ZCWPW2: variants seen among roughly 807,000 people sequenced by gnomAD.
The protein encoded by ZCWPW2 is zinc finger CW-type PWWP domain protein 2.
In ZCWPW2, 45 loss-of-function variants were observed where a neutral mutation model predicts 46.6. That is an observed-to-expected ratio of 0.96 (90% confidence interval 0.76 to 1.24). The LOEUF (loss-of-function observed/expected upper bound fraction) is 1.24, where lower values mean the gene tolerates loss of function less well. Ranked by LOEUF, ZCWPW2 falls within the 50% of genes most tolerant of loss-of-function variation. The pLI is 0.00. For synonymous variants in ZCWPW2, 152 were observed against 137.1 expected (o/e 1.11, Z -0.76); for missense variants, 429 against 403.9 (o/e 1.06, Z -0.53).
At chr3:28,465,605 T>A (rs998515618) in intron 4 of ZCWPW2, among the ~76,000 whole-genome samples, 8 of 152,184 alleles carry the variant, frequency 5.3e-5, no homozygotes, top group African/African-American at 1.9e-4. Context: ...TAGGTAGGAT[T>A]GCTACTATTA....
intron 4 of ZCWPW2, among the ~76,000 whole-genome samples, chr3:28,474,782 T>A (rs1377795467): frequency 6.6e-6 from 1 of 150,946 alleles, no homozygotes; most frequent in Non-Finnish European, 1.5e-5. Flanking sequence ...TTGAGAAGTC[T>A]CATGTCAGTA....
chr3:28,488,703 C>G (rs1006677977), intron 5 of ZCWPW2, among the ~76,000 whole-genome samples: 2 of 152,136 alleles, frequency 1.3e-5, no homozygotes, highest in African/African-American at 4.8e-5. Flanking sequence ...CTCTTTTGCA[C>G]TTTAAAAATA....
chr3:28,411,982 A>G (rs553435330), intron 2 of ZCWPW2, among the ~76,000 whole-genome samples: 1 of 152,156 alleles, frequency 6.6e-6, no homozygotes, highest in East Asian at 1.9e-4. Context: ...TTTTCGAACT[A>G]TGGCTATTGA....
intron 2 of ZCWPW2, among the ~76,000 whole-genome samples, chr3:28,392,155 A>C (rs1463435234): frequency 6.6e-6 from 1 of 152,030 alleles, no homozygotes; most frequent in South Asian, 2.1e-4. Flanking sequence ...AACAGAATCC[A>C]AAAGAGGCCA....
intron 3 of ZCWPW2, among the ~76,000 whole-genome samples, chr3:28,426,302 T>C (rs1697009125): frequency 6.6e-6 from 1 of 151,842 alleles, no homozygotes; most frequent in African/African-American, 2.4e-5. Flanking sequence ...CTGGACTCTT[T>C]AGAGAAAAAA....
Position 28,413,039 on chromosome 3 carries a change from T to G in ZCWPW2, c.-13-17T>G. The G allele has an allele frequency of 6.4e-7, 1 of 1,566,630 alleles. No homozygotes were observed. Among genetic ancestry groups the G allele is most frequent in the Non-Finnish European group, 8.7e-7 (1 of 1,155,266 alleles). ...TTGAATCCTCATTCTGTTATTTTCC[T>G]CTTTCTTATTTTCCAGATTAAATGC... On this transcript the variant is annotated splice_polypyrimidine_tract_variant and intron_variant, in intron 2 of 9. Transcript: ENST00000383768.
At chr3:28,512,267 T>G (rs1575225794) in intron 6 of ZCWPW2, among the ~76,000 whole-genome samples, 1 of 152,214 alleles carries the variant, frequency 6.6e-6, no homozygotes, top group East Asian at 1.9e-4. Context: ...AGCCTCCGCC[T>G]TCAGGGTTCA....
chr3:28,455,408 C>T (rs1698386562), intron 4 of ZCWPW2, among the ~76,000 whole-genome samples: 1 of 152,090 alleles, frequency 6.6e-6, no homozygotes, highest in Admixed American at 6.6e-5. Flanking sequence ...GAATAGATTG[C>T]AAAAAGTTTC....
chr3:28,452,354 G>A (rs893615101), intron 4 of ZCWPW2, among the ~76,000 whole-genome samples: 1 of 152,004 alleles, frequency 6.6e-6, no homozygotes, highest in Non-Finnish European at 1.5e-5. Flanking sequence ...GCACAGTCTC[G>A]GCTCACTGCA....
intron 4 of ZCWPW2, chr3:28,478,339 G>A (rs1317136055): frequency 3.3e-6 from 1 of 302,494 alleles, no homozygotes. Context: ...TGCCTCCCAG[G>A]TTCAAGCAGT....
At chr3:28,364,072 A>G (rs929205233) in intron 1 of ZCWPW2, among the ~76,000 whole-genome samples, 12 of 152,218 alleles carry the variant, frequency 7.9e-5, no homozygotes, top group East Asian at 7.7e-4. Context: ...TGTAAGTAGC[A>G]TCACAGTAAG....
intron 6 of ZCWPW2, among the ~76,000 whole-genome samples, chr3:28,505,023 C>T (rs1382270009): frequency 6.6e-6 from 1 of 152,116 alleles, no homozygotes; most frequent in Non-Finnish European, 1.5e-5. Flanking sequence ...TAGTGAAGCA[C>T]CAAGTCATAG....
rs574329060 is a variant in ZCWPW2 at position 28,436,225 on chromosome 3, C to T, written c.492+956C>T. 2.6e-5 allele frequency among the ~76,000 whole-genome samples: 4 copies of T among 151,616 alleles called. 1 individual carries two copies. In the South Asian group the frequency reaches 8.3e-4, roughly 32 times the overall value. On this transcript the variant is annotated intron_variant, in intron 4 of 9. Coordinates refer to ENST00000383768, the MANE Select transcript of ZCWPW2 (RefSeq NM_001040432.4). ...CTGTGTTTATATTCTAATATTGAAA[C>T]TTTTCATCTGCAAATCATGCTTTCA...
At chr3:28,379,558 G>T (rs1705605963) in intron 1 of ZCWPW2, among the ~76,000 whole-genome samples, 1 of 152,088 alleles carries the variant, frequency 6.6e-6, no homozygotes, top group African/African-American at 2.4e-5. Flanking sequence ...GCATTAAAAT[G>T]GGTCATTGAA....
chr3:28,478,022 A>G (rs1440606343), intron 4 of ZCWPW2, among the ~76,000 whole-genome samples: 1 of 152,068 alleles, frequency 6.6e-6, no homozygotes, highest in Non-Finnish European at 1.5e-5. Flanking sequence ...CATTTAGAAA[A>G]TGTGCTGTAT....
intron 6 of ZCWPW2, among the ~76,000 whole-genome samples, chr3:28,509,214 C>T (rs551456889): frequency 2.2e-4 from 34 of 152,062 alleles, no homozygotes; most frequent in Admixed American, 3.9e-4. Context: ...TATGGATATA[C>T]GACACTTTAT....
intron 3 of ZCWPW2, among the ~76,000 whole-genome samples, chr3:28,423,405 C>T (rs1366474791): frequency 7.2e-6 from 1 of 139,626 alleles, no homozygotes; most frequent in Non-Finnish European, 1.5e-5. Flanking sequence ...CTCACTCTGT[C>T]GCCCAGACTG....
intron 5 of ZCWPW2, among the ~76,000 whole-genome samples, chr3:28,491,062 T>C (rs370851234): frequency 1.3e-5 from 2 of 152,154 alleles, no homozygotes; most frequent in East Asian, 3.8e-4. Flanking sequence ...TTAGACATGT[T>C]CATAACTAAC....
intron 1 of ZCWPW2, among the ~76,000 whole-genome samples, chr3:28,377,823 C>G (rs1705550518): frequency 1.3e-5 from 2 of 151,996 alleles, no homozygotes; most frequent in Non-Finnish European, 2.9e-5. Flanking sequence ...CAATGTAGAC[C>G]TAAAGCATAT....
Sources: allele counts gnomAD v4.1 joint callset (sites outside exome capture counted in the v4.1 genomes callset), GRCh38; gene constraint gnomAD v4.1.1; transcripts MANE v1.5; gene names NCBI Gene and HGNC (gene_info 2026-07-23, HGNC 2026-07-21).